The following ERVV-1 variants were observed in gnomAD, a reference collection of about 807,000 sequenced individuals.
ERVV-1 encodes endogenous retrovirus group V member 1, envelope.
For synonymous variants in ERVV-1, 59 were observed against 170.2 expected (o/e 0.35, Z 5.09); for missense variants, 150 against 456.5 (o/e 0.33, Z 6.12).
rs2083782577 is a variant in ERVV-1 at position 53,015,235 on chromosome 19, T to G, written c.1145T>G (p.Met382Arg). 1.3e-6 allele frequency: 1 copy of G among 785,830 alleles called. No individual in the cohort carries two copies. The highest frequency in any genetic ancestry group is 1.7e-5 in the African/African-American group (1 of 58,096). The allele number at this position is 785,830 out of a possible 1,614,324, so 48.7% of individuals were successfully genotyped here. A position where few individuals can be genotyped will look rare whatever the true frequency, so the allele number is the denominator to read the frequency against. ...ASIDSLANVV[M>R]NNRLALDYLL... is the part of the protein sequence containing the mutation. ...ATAGATTCTCTAGCAAATGTAGTCA[T>G]GAACAACAGATTGGCCTTAGATTAC... is the stretch of plus-strand genomic sequence containing the variant. The change falls in exon 1 of 1, where the codon ATG (methionine) becomes AGG (arginine). Residue 382 changes from methionine to arginine, a missense_variant. By Grantham distance (91) the Met-to-Arg change is moderately conservative. Transcript: ENST00000602168.
chr19:53,014,633 C>T lies in ERVV-1; in HGVS notation c.543C>T (p.Asn181=), dbSNP rs2083779136. 2.6e-6 allele frequency: 4 copies of T among 1,528,372 alleles called. No individual in the cohort carries two copies. The highest frequency in any genetic ancestry group is 2.6e-6 in the Non-Finnish European group (3 of 1,146,492). The allele number at this position is 1,528,372 out of a possible 1,614,324, so 94.7% of individuals were successfully genotyped here. Residue 181 remains asparagine, a synonymous_variant, in exon 1 of 1, where the codon AAC becomes AAT. Transcript: ENST00000602168. ...ATTATCGAGACAAGTCACCCCAAAACCGCTGTGCAGCTTGGGAAGGAAAAG... is the reference window on the plus strand; with the variant it reads ...ATTATCGAGACAAGTCACCCCAAAATCGCTGTGCAGCTTGGGAAGGAAAAG... The part of the protein sequence containing the change: ...MNDYRDKSPQ[N]RCAAWEGKEL...
rs1388572290 is a variant in ERVV-1 at position 53,015,611 on chromosome 19, G to A, written c.*87G>A. On this transcript the variant is annotated 3_prime_UTR_variant, in exon 1 of 1. Transcript: ENST00000602168. ...GAAAGAGATCATCCAATCTTCCTTG[G>A]AGGTCCCAGCACCTACAAGTACATA... 3.3e-6 allele frequency: 2 copies of A among 608,822 alleles called. No individual in the cohort carries two copies. The highest frequency in any genetic ancestry group is 2.9e-5 in the Admixed American group (1 of 34,068). The allele number at this position is 608,822 out of a possible 1,614,324, so 37.7% of individuals were successfully genotyped here. A position where few individuals can be genotyped will look rare whatever the true frequency, so the allele number is the denominator to read the frequency against.
Position 53,015,320 on chromosome 19 carries a change from C to A in ERVV-1, c.1230C>A (p.Val410=). The A allele has an allele frequency of 1.4e-6, 1 of 706,578 alleles. No homozygotes were observed. The highest frequency in any genetic ancestry group is 2.6e-6 in the Non-Finnish European group (1 of 388,446). 43.8% of individuals were successfully genotyped at this position (706,578 alleles called of 1,614,324 possible). The change falls in exon 1 of 1, where the codon GTC becomes GTA. Residue 410 remains valine (V), a synonymous_variant. Transcript: ENST00000602168. ...TCAGTAAATCCTGTTGCATTTATGT[C>A]AATAACAGTGGGGCGATAGAGGAGG... The part of the protein sequence containing the change: ...AVISKSCCIY[V]NNSGAIEEDI...
chr19:53,015,449 C>T lies in ERVV-1; in HGVS notation c.1359C>T (p.Leu453=). Residue 453 remains leucine (L), a synonymous_variant, in exon 1 of 1, where the codon CTC becomes CTT. Coordinates refer to ENST00000602168, the MANE Select transcript of ERVV-1 (RefSeq NM_152473.3). ...CTGTGAAGTCTGCCCTCCCCTCCCT[C>T]ACATGGTTTGTCCCTTTACTGGGAC... ...WEAVKSALPS[L]TWFVPLLGPA... The T allele has an allele frequency of 2.9e-6, 2 of 701,734 alleles. No individual in the cohort carries two copies. The highest frequency in any genetic ancestry group is 1.5e-5 in the South Asian group (1 of 67,272). The allele number at this position is 701,734 out of a possible 1,614,324, so 43.5% of individuals were successfully genotyped here.
chr19:53,015,424 C>A lies in ERVV-1; in HGVS notation c.1334C>A (p.Ala445Asp), dbSNP rs1408833863. 5.7e-6 allele frequency: 4 copies of A among 702,968 alleles called. No individual in the cohort carries two copies. The highest frequency in any genetic ancestry group is 1.0e-5 in the Non-Finnish European group (4 of 385,048). The allele number at this position is 702,968 out of a possible 1,614,324, so 43.5% of individuals were successfully genotyped here. Residue 445 changes from alanine (A) to aspartate (D), a missense_variant, in exon 1 of 1, where the codon GCT becomes GAT. Transcript: ENST00000602168. ...KGDSAGSIWEAVKSALPSLTW... is the reference protein window; with the variant it reads ...KGDSAGSIWEDVKSALPSLTW... ...GATTCAGCAGGGTCCATTTGGGAGG[C>A]TGTGAAGTCTGCCCTCCCCTCCCTC...
Position 53,015,558 on chromosome 19 carries a change from G to A in ERVV-1, c.*34G>A, listed in dbSNP as rs1396511665. 8.1e-6 allele frequency: 5 copies of A among 615,980 alleles called. No homozygotes were observed. The Admixed American group carries it at 1.1e-4, about 14-fold the overall frequency. The allele number at this position is 615,980 out of a possible 1,614,324, so 38.2% of individuals were successfully genotyped here. On this transcript the variant is annotated 3_prime_UTR_variant, in exon 1 of 1. Transcript: ENST00000602168. The stretch of plus-strand genomic sequence containing the variant: ...TTAAATATGTCTCTTCCAGGATATG[G>A]CAATTTCACACAGAGCCCCTAAAAA...
rs1023554255 is a variant in ERVV-1 at position 53,014,922 on chromosome 19, C to T, written c.832C>T (p.Pro278Ser). The T allele has an allele frequency of 9.8e-6, 15 of 1,535,864 alleles. No individual in the cohort carries two copies. Among genetic ancestry groups the T allele is most frequent in the Admixed American group, 5.9e-5 (3 of 50,984 alleles). Reference protein sequence around the residue: ...DGSPKITYSTPPVANLYTCIN... With the variant: ...DGSPKITYSTSPVANLYTCIN... ...AAGTCCTAAGATAACTTATTCAACC[C>T]CCCCTGTGGCAAACCTCTACACTTG... Residue 278 changes from proline to serine, a missense_variant, in exon 1 of 1, where the codon CCC (proline) becomes TCC (serine). Transcript: ENST00000602168.
At chr19:53,014,649 GA>G in the ERVV-1 span, 1 of 1,529,552 alleles carries the variant, frequency 6.5e-7, no homozygotes, top group Non-Finnish European at 8.7e-7. Context: ...TGCAGCTTGG[GA>G]AGGAAAAGAG....
In ERVV-1 at chr19:53,015,840, C is replaced by A. The variant is rs1488385723; in HGVS notation, c.*316C>A. On this transcript the variant is annotated 3_prime_UTR_variant, in exon 1 of 1. Transcript: ENST00000602168. ...GAATACTGTTAGGGTAGGCAGGTAGCCAGACAAGAGCAGGCAAGGAAGCCC... is the reference window on the plus strand; with the variant it reads ...GAATACTGTTAGGGTAGGCAGGTAGACAGACAAGAGCAGGCAAGGAAGCCC... 8 of 250,250 alleles carry A rather than the reference C, an allele frequency of 3.2e-5. No homozygotes were observed. In the East Asian group the frequency reaches 7.2e-4, roughly 22 times the overall value. The allele number at this position is 250,250 out of a possible 1,614,324, so 15.5% of individuals were successfully genotyped here. A position where few individuals can be genotyped will look rare whatever the true frequency, so the allele number is the denominator to read the frequency against.
In ERVV-1 at chr19:53,015,225, A is replaced by G; in HGVS notation, c.1135A>G (p.Asn379Asp). 1.3e-6 allele frequency: 1 copy of G among 784,214 alleles called. No homozygotes were observed. Among genetic ancestry groups the G allele is most frequent in the Non-Finnish European group, 2.2e-6 (1 of 460,850 alleles). The allele number at this position is 784,214 out of a possible 1,614,324, so 48.6% of individuals were successfully genotyped here. Residue 379 changes from asparagine to aspartate, a missense_variant, in exon 1 of 1, where the codon AAT becomes GAT. Asn to Asp is a conservative substitution (Grantham distance 23). Coordinates refer to ENST00000602168, the MANE Select transcript of ERVV-1 (RefSeq NM_152473.3). ...KLKASIDSLA[N>D]VVMNNRLALD... Reference sequence around the variant, plus strand: ...CAAGGCCTCCATAGATTCTCTAGCAAATGTAGTCATGAACAACAGATTGGC... The same window carrying G: ...CAAGGCCTCCATAGATTCTCTAGCAGATGTAGTCATGAACAACAGATTGGC...
Position 53,014,534 on chromosome 19 carries a change from CCAT to C in ERVV-1, c.446_448del (p.His149del). The C allele has an allele frequency of 7.5e-7, 1 of 1,326,038 alleles. No individual in the cohort carries two copies. The highest frequency in any genetic ancestry group is 1.0e-6 in the Non-Finnish European group (1 of 985,978). 82.1% of individuals were successfully genotyped at this position (1,326,038 alleles called of 1,614,324 possible). ...AGGAGGGATTCCCCAGTCCCACCAT[CCAT>C]CCCATGAGCTTCTCCCCAGCAGGCT... On this transcript the variant is annotated inframe_deletion, in exon 1 of 1. Transcript: ENST00000602168.
In ERVV-1 at chr19:53,015,639, T is replaced by G. The variant is rs917308956; in HGVS notation, c.*115T>G. 18 of 584,924 alleles carry G rather than the reference T, an allele frequency of 3.1e-5. No individual in the cohort carries two copies. The highest frequency in any genetic ancestry group is 6.3e-5 in the Admixed American group (2 of 31,768). The allele number at this position is 584,924 out of a possible 1,614,324, so 36.2% of individuals were successfully genotyped here. ...GTCCCAGCACCTACAAGTACATATC[T>G]CCCTTGGATGCCAGTGGGCAAAGAT... On this transcript the variant is annotated 3_prime_UTR_variant, in exon 1 of 1. Transcript: ENST00000602168.
rs2083782083 is a variant in ERVV-1 at position 53,015,134 on chromosome 19, C to T, written c.1044C>T (p.Thr348=). The part of the protein sequence containing the change: ...PWGGFTYHDV[T]LRNLSRQIDN... Reference sequence around the variant, plus strand: ...GAGGGTTCACTTATCATGATGTCACCCTCAGAAATCTCTCCAGACAAATAG... The same window carrying T: ...GAGGGTTCACTTATCATGATGTCACTCTCAGAAATCTCTCCAGACAAATAG... The change falls in exon 1 of 1, where the codon ACC becomes ACT. Residue 348 remains threonine, a synonymous_variant. Transcript: ENST00000602168. 4 of 825,792 alleles carry T rather than the reference C, an allele frequency of 4.8e-6. No individual in the cohort carries two copies. The highest frequency in any genetic ancestry group is 8.0e-6 in the Non-Finnish European group (4 of 499,734). 51.2% of individuals were successfully genotyped at this position (825,792 alleles called of 1,614,324 possible). A position where few individuals can be genotyped will look rare whatever the true frequency, so the allele number is the denominator to read the frequency against.
rs948827022 is a variant in ERVV-1 at position 53,015,835 on chromosome 19, G to A, written c.*311G>A. 3 of 259,796 alleles carry A rather than the reference G, an allele frequency of 1.2e-5. No individual in the cohort carries two copies. The highest frequency in any genetic ancestry group is 4.5e-5 in the African/African-American group (2 of 44,526). 16.1% of individuals were successfully genotyped at this position (259,796 alleles called of 1,614,324 possible). The stretch of plus-strand genomic sequence containing the variant: ...AGGGGGAATACTGTTAGGGTAGGCA[G>A]GTAGCCAGACAAGAGCAGGCAAGGA... On this transcript the variant is annotated 3_prime_UTR_variant, in exon 1 of 1. Coordinates refer to ENST00000602168, the MANE Select transcript of ERVV-1 (RefSeq NM_152473.3).
At position 53,015,768 on chromosome 19, in the gene ERVV-1, G is replaced by C; in HGVS notation, c.*244G>C. On this transcript the variant is annotated 3_prime_UTR_variant, in exon 1 of 1. Transcript: ENST00000602168. The stretch of plus-strand genomic sequence containing the variant: ...CAGGAAGTAGTTACAGAAGACCCAC[G>C]ACGTCCTTATGCCCAAAGCTTTTCA... 2 of 444,254 alleles carry C rather than the reference G, an allele frequency of 4.5e-6. No individual in the cohort carries two copies. The highest frequency in any genetic ancestry group is 7.8e-6 in the Non-Finnish European group (2 of 256,232). 27.5% of individuals were successfully genotyped at this position (444,254 alleles called of 1,614,324 possible).
At position 53,015,140 on chromosome 19, in the gene ERVV-1, A is replaced by C. The variant is rs1171999934; in HGVS notation, c.1050A>C (p.Arg350Ser). 1 of 808,390 alleles carries C rather than the reference A, an allele frequency of 1.2e-6. No homozygotes were observed. Among genetic ancestry groups the C allele is most frequent in the East Asian group, 2.7e-5 (1 of 37,450 alleles). 50.1% of individuals were successfully genotyped at this position (808,390 alleles called of 1,614,324 possible). A position where few individuals can be genotyped will look rare whatever the true frequency, so the allele number is the denominator to read the frequency against. The change falls in exon 1 of 1, where the codon AGA (arginine) becomes AGC (serine). Residue 350 changes from arginine to serine, a missense_variant. Arg to Ser is a moderately radical substitution (Grantham distance 110). Coordinates refer to ENST00000602168, the MANE Select transcript of ERVV-1 (RefSeq NM_152473.3). Reference sequence around the variant, plus strand: ...TCACTTATCATGATGTCACCCTCAGAAATCTCTCCAGACAAATAGACAACA... The same window carrying C: ...TCACTTATCATGATGTCACCCTCAGCAATCTCTCCAGACAAATAGACAACA... ...GGFTYHDVTL[R>S]NLSRQIDNIA...
rs1220981368 is a variant in ERVV-1 at position 53,015,248 on chromosome 19, G to A, written c.1158G>A (p.Leu386=). The change falls in exon 1 of 1, where the codon TTG becomes TTA. Residue 386 remains leucine, a synonymous_variant. Coordinates refer to ENST00000602168, the MANE Select transcript of ERVV-1 (RefSeq NM_152473.3). ...CAAATGTAGTCATGAACAACAGATT[G>A]GCCTTAGATTACCTCTTAGCAGAGC... The part of the protein sequence containing the change: ...SLANVVMNNR[L]ALDYLLAEQG... 2.6e-6 allele frequency: 2 copies of A among 768,530 alleles called. No homozygotes were observed. The highest frequency in any genetic ancestry group is 3.5e-5 in the African/African-American group (2 of 57,888). The allele number at this position is 768,530 out of a possible 1,614,324, so 47.6% of individuals were successfully genotyped here. A position where few individuals can be genotyped will look rare whatever the true frequency, so the allele number is the denominator to read the frequency against.
In ERVV-1 at chr19:53,015,303, T is replaced by C. The variant is rs1568456821; in HGVS notation, c.1213T>C (p.Ser405Pro). Residue 405 changes from serine (S) to proline (P), a missense_variant, in exon 1 of 1, where the codon TCC becomes CCC. Coordinates refer to ENST00000602168, the MANE Select transcript of ERVV-1 (RefSeq NM_152473.3). ...TGGAGTCTGTGCAGTGATCAGTAAATCCTGTTGCATTTATGTCAATAACAG... is the reference window on the plus strand; with the variant it reads ...TGGAGTCTGTGCAGTGATCAGTAAACCCTGTTGCATTTATGTCAATAACAG... ...QGGVCAVISK[S>P]CCIYVNNSGA... The C allele has an allele frequency of 2.8e-6, 2 of 709,576 alleles. No individual in the cohort carries two copies. The highest frequency in any genetic ancestry group is 5.1e-6 in the Non-Finnish European group (2 of 391,186). The allele number at this position is 709,576 out of a possible 1,614,324, so 44.0% of individuals were successfully genotyped here. A position where few individuals can be genotyped will look rare whatever the true frequency, so the allele number is the denominator to read the frequency against.
rs1568456939 is a variant in ERVV-1 at position 53,015,537 on chromosome 19, A to G, written c.*13A>G. On this transcript the variant is annotated 3_prime_UTR_variant, in exon 1 of 1. Coordinates refer to ENST00000602168, the MANE Select transcript of ERVV-1 (RefSeq NM_152473.3). ...CTTGTCTCTATAATTCACTAATTAA[A>G]TATGTCTCTTCCAGGATATGGCAAT... is the stretch of plus-strand genomic sequence containing the variant. The G allele has an allele frequency of 6.4e-6, 4 of 627,188 alleles. No individual in the cohort carries two copies. The highest frequency in any genetic ancestry group is 1.1e-5 in the Non-Finnish European group (4 of 351,912). 38.9% of individuals were successfully genotyped at this position (627,188 alleles called of 1,614,324 possible). A position where few individuals can be genotyped will look rare whatever the true frequency, so the allele number is the denominator to read the frequency against.
Sources: allele counts gnomAD v4.1 joint callset, GRCh38; gene constraint gnomAD v4.1.1; transcripts MANE v1.5; gene names NCBI Gene and HGNC (gene_info 2026-07-23, HGNC 2026-07-21).